COL26A1: variants seen among roughly 807,000 people sequenced by gnomAD.
COL26A1 encodes collagen alpha-1(XXVI) chain.
COL26A1 carries 41 observed loss-of-function variants against 59.3 expected under a neutral mutation model. The observed-to-expected ratio is 0.69, with a 90% CI of 0.54 to 0.90. The LOEUF (loss-of-function observed/expected upper bound fraction) is 0.90, where lower values mean the gene tolerates loss of function less well. COL26A1 is among the 40% of genes least tolerant of loss of function. The probability of loss-of-function intolerance (pLI) is 0.00; values close to 1 mark genes in which losing one functional copy is unlikely to be tolerated. For synonymous variants in COL26A1, 266 were observed against 256.0 expected, an observed-to-expected ratio of 1.04 and a Z score of -0.37; for missense variants, 612 against 602.3, an observed-to-expected ratio of 1.02 and a Z score of -0.17.
At chr7:101,483,399 T>G (rs1315022127) in intron 3 of COL26A1, among the ~76,000 whole-genome samples, 3 of 152,044 alleles carry the variant, frequency 2.0e-5, no homozygotes, top group Admixed American at 6.6e-5. Flanking sequence ...GGTTTCACCA[T>G]CTTGGCCAGA....
rs1791212215 is a variant in COL26A1 at position 101,372,236 on chromosome 7, G to T, written c.158+9046G>T. Among the ~76,000 whole-genome samples, 4 of 151,710 alleles carry T rather than the reference G, an allele frequency of 2.6e-5. No individual in the cohort carries two copies. The South Asian group carries it at 8.3e-4, about 31-fold the overall frequency. ...GCTGGAGTGCAGTGGTGCGATCTTGGCTCACTGCAACCTCCGCCTCCAGGG... is the reference window on the plus strand; with the variant it reads ...GCTGGAGTGCAGTGGTGCGATCTTGTCTCACTGCAACCTCCGCCTCCAGGG... On this transcript the variant is annotated intron_variant, in intron 1 of 12. Coordinates refer to ENST00000313669, the MANE Select transcript of COL26A1 (RefSeq NM_001278563.3).
intron 3 of COL26A1, among the ~76,000 whole-genome samples, chr7:101,511,726 C>T (rs750069958): frequency 2.2e-4 from 34 of 152,180 alleles, no homozygotes; most frequent in Admixed American, 1.1e-3. Flanking sequence ...GGGAGGACCC[C>T]GGTTCTGCTG....
intron 3 of COL26A1, among the ~76,000 whole-genome samples, chr7:101,463,641 TCCA>T (rs1793671203): frequency 3.5e-5 from 1 of 28,314 alleles, no homozygotes; most frequent in Non-Finnish European, 6.2e-5. Context: ...CTTCCTTCCT[TCCA>T]TCCTTCCATC....
intron 3 of COL26A1, among the ~76,000 whole-genome samples, chr7:101,482,829 C>T (rs961904982): frequency 5.3e-5 from 8 of 152,156 alleles, no homozygotes; most frequent in South Asian, 2.1e-4. Flanking sequence ...TGTTGGCACA[C>T]GCTTGTAATC....
At position 101,494,027 on chromosome 7, in the gene COL26A1, G is replaced by C. The variant is rs192259640; in HGVS notation, c.386-39055G>C. ...AAGGCTGACAACTTTCAGAATGTTG[G>C]AGTAGAAATGAGCGGGAAAGGTATT... On this transcript the variant is annotated intron_variant, in intron 3 of 12. Transcript: ENST00000313669. 4.2e-3 allele frequency among the ~76,000 whole-genome samples: 634 copies of C among 152,282 alleles called. 4 individuals carry two copies. Among genetic ancestry groups the C allele is most frequent in the Middle Eastern group, 6.8e-3 (2 of 292 alleles).
chr7:101,451,498 G>A (rs1793337159), intron 3 of COL26A1, among the ~76,000 whole-genome samples: 1 of 148,690 alleles, frequency 6.7e-6, no homozygotes, highest in Non-Finnish European at 1.5e-5. Context: ...GATGCTCAAA[G>A]GAAATGCCAA....
intron 1 of COL26A1, among the ~76,000 whole-genome samples, chr7:101,410,896 G>T (rs1792227464): frequency 6.6e-6 from 1 of 152,064 alleles, no homozygotes; most frequent in African/African-American, 2.4e-5. Flanking sequence ...TGTAGAGCTG[G>T]GGTCTTGCTA....
chr7:101,382,739 T>G (rs886376808), intron 1 of COL26A1, among the ~76,000 whole-genome samples: 6 of 152,170 alleles, frequency 3.9e-5, no homozygotes, highest in Admixed American at 2.6e-4. Flanking sequence ...GTTAAATTAA[T>G]GGAGTCATAG....
At chr7:101,546,342 C>T (rs1795735290) in intron 7 of COL26A1, among the ~76,000 whole-genome samples, 1 of 152,150 alleles carries the variant, frequency 6.6e-6, no homozygotes, top group Non-Finnish European at 1.5e-5. Flanking sequence ...TCAAGGGATC[C>T]TCCCACCTCA....
chr7:101,531,107 A>G (rs1795359256), intron 3 of COL26A1, among the ~76,000 whole-genome samples: 1 of 151,996 alleles, frequency 6.6e-6, no homozygotes, highest in Admixed American at 6.5e-5. Context: ...AGTAGCTGAG[A>G]CTACAGGCGC....
chr7:101,418,205 G>A (rs1446665143), intron 1 of COL26A1, among the ~76,000 whole-genome samples: 2 of 152,036 alleles, frequency 1.3e-5, no homozygotes, highest in African/African-American at 2.4e-5. Context: ...ACAAGGACCC[G>A]GGTCCTACCT....
At chr7:101,518,483 C>T (rs1048428133) in intron 3 of COL26A1, among the ~76,000 whole-genome samples, 15 of 152,220 alleles carry the variant, frequency 9.9e-5, no homozygotes, top group Non-Finnish European at 2.1e-4. Context: ...AGCGCCAACT[C>T]CCCGTGTCCA....
chr7:101,525,502 G>GT (rs745987435), intron 3 of COL26A1, among the ~76,000 whole-genome samples: 10,330 of 116,838 alleles, frequency 0.088, 460 homozygotes, highest in Middle Eastern at 0.12. Context: ...TGTTTTTTTG[G>GT]TTTTTTTTTT....
chr7:101,553,254 C>T (rs2130685394), intron 10 of COL26A1, 72 bp from the exon 11 acceptor site: 13 of 1,420,532 alleles, frequency 9.2e-6, no homozygotes, highest in East Asian at 2.3e-5. Flanking sequence ...TGCAGGCCCC[C>T]AGGGAACTGG....
At chr7:101,489,758 CTTTCTT>C (rs1794377026) in intron 3 of COL26A1, among the ~76,000 whole-genome samples, 5 of 3,864 alleles carry the variant, frequency 1.3e-3, no homozygotes, top group South Asian at 0.015. Context: ...TCTTGTCTCT[CTTTCTT>C]TCTTTCTTTC....
At chr7:101,365,353 A>G (rs1352108502) in intron 1 of COL26A1, among the ~76,000 whole-genome samples, 1 of 152,200 alleles carries the variant, frequency 6.6e-6, no homozygotes, top group Non-Finnish European at 1.5e-5. Context: ...AATGTTATGA[A>G]GAAGTCTAGG....
chr7:101,480,443 G>A lies in COL26A1; in HGVS notation c.385+32656G>A, dbSNP rs549330086. Among the ~76,000 whole-genome samples, 225 of 152,016 alleles carry A rather than the reference G, an allele frequency of 1.5e-3. 1 individual carries two copies. The highest frequency in any genetic ancestry group is 5.0e-3 in the African/African-American group (209 of 41,460). ...ATGTCATATTTTATTTCATATTAGA[G>A]TTTTTATTTTCTCATGTTGCTGGGG... On this transcript the variant is annotated intron_variant, in intron 3 of 12. Coordinates refer to ENST00000313669, the MANE Select transcript of COL26A1 (RefSeq NM_001278563.3).
intron 3 of COL26A1, among the ~76,000 whole-genome samples, chr7:101,452,117 A>T (rs1793354768): frequency 6.6e-6 from 1 of 152,216 alleles, no homozygotes; most frequent in African/African-American, 2.4e-5. Flanking sequence ...CTGGGGTGTC[A>T]TACGGCACGT....
At chr7:101,485,942 G>A (rs35543631) in intron 3 of COL26A1, among the ~76,000 whole-genome samples, 36,682 of 152,018 alleles carry the variant, frequency 0.24, 5,084 homozygotes, top group Non-Finnish European at 0.32. Flanking sequence ...GGAGGCCGAG[G>A]CAGGTGGATC....
Sources: gnomAD v4.1 joint callset for allele counts (sites outside exome capture counted in the v4.1 genomes callset) on GRCh38, gnomAD v4.1.1 for gene constraint, MANE v1.5 for transcripts, NCBI Gene and HGNC (gene_info 2026-07-23, HGNC 2026-07-21) for gene names.